PCDHA6: variants seen among roughly 807,000 people sequenced by gnomAD.
PCDHA6 encodes protocadherin alpha-6.
Under a neutral mutation model 60.3 loss-of-function variants are expected in PCDHA6, and 55 were observed. The observed-to-expected ratio is 0.91, with a 90% CI of 0.73 to 1.14. The LOEUF is 1.14. Ranked by LOEUF, PCDHA6 falls within the 50% of genes most tolerant of loss-of-function variation. The pLI, the probability that PCDHA6 is intolerant of heterozygous loss-of-function variation, is 0.00. For synonymous variants in PCDHA6, 652 were observed against 557.9 expected (o/e 1.17, Z -2.38); for missense variants, 1,327 against 1,256.5 (o/e 1.06, Z -0.85).
chr5:140,969,506 G>T, intron 1 of PCDHA6: 1 of 1,427,058 alleles, frequency 7.0e-7, no homozygotes, highest in Non-Finnish European at 9.3e-7. Flanking sequence ...TAGAAAAATA[G>T]CACTAAAGAA....
At chr5:140,929,217 C>T (rs1183459158) in intron 1 of PCDHA6, 1 of 1,614,016 alleles carries the variant, frequency 6.2e-7, no homozygotes, top group Non-Finnish European at 8.5e-7. Flanking sequence ...GTGGGGAGTA[C>T]AATGCTGCCG....
rs2150500833 is a variant in PCDHA6 at position 140,850,862 on chromosome 5, C to T, written c.2394+20377C>T. ...GATCTACAGAGCGAACGGGAGAACCCTCTGCTTCCTCAGATTCAACTGGGA... is the reference window on the plus strand; with the variant it reads ...GATCTACAGAGCGAACGGGAGAACCTTCTGCTTCCTCAGATTCAACTGGGA... On this transcript the variant is annotated intron_variant, in intron 1 of 3. Coordinates refer to ENST00000529310, the MANE Select transcript of PCDHA6 (RefSeq NM_018909.4). The T allele has an allele frequency of 1.9e-6, 3 of 1,592,842 alleles. 1 individual carries two copies. In the African/African-American group the frequency reaches 4.0e-5, roughly 21 times the overall value.
chr5:140,976,982 T>G (rs1348911349), intron 1 of PCDHA6, among the ~76,000 whole-genome samples: 1 of 152,240 alleles, frequency 6.6e-6, no homozygotes, highest in African/African-American at 2.4e-5. Flanking sequence ...CTGCCTGATC[T>G]TACTGCCATA....
intron 1 of PCDHA6, chr5:140,869,887 C>T (rs782219538): frequency 3.7e-6 from 6 of 1,610,056 alleles, no homozygotes; most frequent in Non-Finnish European, 3.4e-6. Flanking sequence ...AACTCTTGTG[C>T]TCAAACTAAA....
At chr5:140,831,202 A>C (rs2150192428) in intron 1 of PCDHA6, 1 of 152,360 alleles carries the variant, frequency 6.6e-6, no homozygotes, top group East Asian at 1.9e-4. Context: ...CTTGTGATCA[A>C]GTAAATTTAT....
At chr5:140,985,072 A>C (rs2097134751) in intron 3 of PCDHA6, among the ~76,000 whole-genome samples, 1 of 151,864 alleles carries the variant, frequency 6.6e-6, no homozygotes, top group Admixed American at 6.6e-5. Flanking sequence ...TGAGTAGCTG[A>C]GACTACAGGC....
intron 1 of PCDHA6, chr5:140,852,273 GT>G (rs2042286951): frequency 2.0e-6 from 1 of 502,736 alleles, no homozygotes; most frequent in South Asian, 8.6e-5. Context: ...AATATTACAT[GT>G]TTTTTGTCTT....
chr5:140,967,257 G>A (rs782706939), intron 1 of PCDHA6: 2 of 1,613,486 alleles, frequency 1.2e-6, no homozygotes, highest in East Asian at 2.2e-5. Flanking sequence ...GTGGCGCCTG[G>A]AGCGCGCTTT....
intron 1 of PCDHA6, among the ~76,000 whole-genome samples, chr5:140,885,102 G>A (rs2060467065): frequency 6.6e-6 from 1 of 151,970 alleles, no homozygotes; most frequent in Non-Finnish European, 1.5e-5. Flanking sequence ...TCACATAAAT[G>A]CTTTTTTTAA....
In PCDHA6 at chr5:140,877,669, G is replaced by A. The variant is rs548426920; in HGVS notation, c.2394+47184G>A. The A allele has an allele frequency of 1.4e-4, 219 of 1,613,638 alleles. 3 individuals are homozygous for A. The South Asian group carries it at 2.2e-3, about 17-fold the overall frequency. On this transcript the variant is annotated intron_variant, in intron 1 of 3. Coordinates refer to ENST00000529310, the MANE Select transcript of PCDHA6 (RefSeq NM_018909.4). ...AGCGCCGCCCACCGTGAGCCGGTGC[G>A]CGCCGGGCAAGCCCACGCTGGTGTG...
chr5:140,985,859 C>T (rs2153837183), intron 3 of PCDHA6, among the ~76,000 whole-genome samples: 1 of 151,736 alleles, frequency 6.6e-6, no homozygotes, highest in African/African-American at 2.4e-5. Context: ...CCTGCCTCAG[C>T]CTCCTGAGTA....
chr5:140,857,928 C>A (rs529968685), intron 1 of PCDHA6: 1 of 1,597,668 alleles, frequency 6.3e-7, no homozygotes, highest in East Asian at 2.2e-5. Flanking sequence ...GGGCTGTACA[C>A]GGGCGAGATC....
intron 1 of PCDHA6, chr5:140,857,288 C>A (rs782208845): frequency 2.5e-6 from 4 of 1,598,652 alleles, no homozygotes; most frequent in East Asian, 4.5e-5. Context: ...CGCTCTGGAC[C>A]GCGAGAGGGT....
chr5:140,833,693 T>C (rs1463559850), intron 1 of PCDHA6, among the ~76,000 whole-genome samples: 1 of 152,176 alleles, frequency 6.6e-6, no homozygotes, highest in African/African-American at 2.4e-5. Flanking sequence ...TCTCTTATTT[T>C]GTTTTCCCAA....
chr5:140,996,175 C>T (rs1296990069), intron 3 of PCDHA6, among the ~76,000 whole-genome samples: 2 of 152,336 alleles, frequency 1.3e-5, no homozygotes, highest in Middle Eastern at 3.4e-3. Flanking sequence ...GTGCTGACAG[C>T]ACCTCCATTT....
At chr5:140,975,213 G>A (rs1205237242) in intron 1 of PCDHA6, among the ~76,000 whole-genome samples, 2 of 152,178 alleles carry the variant, frequency 1.3e-5, no homozygotes, top group African/African-American at 4.8e-5. Context: ...GGCTGGCACT[G>A]GAGAATCTTC....
At position 140,928,790 on chromosome 5, in the gene PCDHA6, G is replaced by T. The variant is rs370207805; in HGVS notation, c.2395-50159G>T. The T allele has an allele frequency of 9.3e-6, 15 of 1,614,058 alleles. No homozygotes were observed. Among genetic ancestry groups the T allele is most frequent in the Non-Finnish European group, 1.2e-5 (14 of 1,180,044 alleles). On this transcript the variant is annotated intron_variant, in intron 1 of 3. Coordinates refer to ENST00000529310, the MANE Select transcript of PCDHA6 (RefSeq NM_018909.4). The stretch of plus-strand genomic sequence containing the variant: ...CTTCCCACTGATGCAGTTAAGCAGA[G>T]GGTGGTGGTAGTGGTTCGGGACCAT...
At chr5:140,840,223 T>A (rs1776612782) in intron 1 of PCDHA6, among the ~76,000 whole-genome samples, 1 of 151,924 alleles carries the variant, frequency 6.6e-6, no homozygotes, top group African/African-American at 2.4e-5. Flanking sequence ...TACATATGAG[T>A]AAATGTGGAG....
intron 3 of PCDHA6, among the ~76,000 whole-genome samples, chr5:140,984,074 A>T (rs1554245949): frequency 6.6e-6 from 1 of 152,268 alleles, no homozygotes; most frequent in African/African-American, 2.4e-5. Context: ...AGTGCCAACG[A>T]TGGAGTGAAG....
Sources: gnomAD v4.1 joint callset for allele counts (sites outside exome capture counted in the v4.1 genomes callset) on GRCh38, gnomAD v4.1.1 for gene constraint, MANE v1.5 for transcripts, NCBI Gene and HGNC (gene_info 2026-07-23, HGNC 2026-07-21) for gene names.